Variants in FUS observed in about 807,000 individuals in gnomAD.
FUS encodes RNA-binding protein FUS.
Under a neutral mutation model 82.7 loss-of-function variants are expected in FUS, and 5 were observed. That is an observed-to-expected ratio of 0.06 (90% confidence interval 0.03 to 0.13). The LOEUF is 0.13. FUS is among the 10% of genes least tolerant of loss of function. The probability of loss-of-function intolerance (pLI) is 1.00; values close to 1 mark genes in which losing one functional copy is unlikely to be tolerated. For missense variants in FUS, 512 were observed against 707.8 expected, an observed-to-expected ratio of 0.72 and a Z score of 3.14; for synonymous variants, 281 against 247.4, an observed-to-expected ratio of 1.14 and a Z score of -1.27.
chr16:31,191,594 AT>A lies in FUS; in HGVS notation c.*160del. 1 of 841,546 alleles carries A rather than the reference AT, an allele frequency of 1.2e-6. No individual in the cohort carries two copies. Among genetic ancestry groups the A allele is most frequent in the Non-Finnish European group, 2.0e-6 (1 of 502,562 alleles). The allele number at this position is 841,546 out of a possible 1,614,324, so 52.1% of individuals were successfully genotyped here. ...CCTCTGGTTCCCATTAAAAGTGACC[AT>A]TTTAGTTAAATTTTGTTCCTCTTCC... On this transcript the variant is annotated 3_prime_UTR_variant, in exon 15 of 15. Transcript: ENST00000254108.
chr16:31,190,398 C>T lies in FUS; in HGVS notation c.1292C>T (p.Pro431Leu), dbSNP rs186547381. 1.3e-4 allele frequency: 204 copies of T among 1,614,116 alleles called. No homozygotes were observed. Among genetic ancestry groups the T allele is most frequent in the Admixed American group, 6.3e-4 (38 of 60,008 alleles). Residue 431 changes from proline to leucine, a missense_variant and splice_region_variant, in exon 12 of 15, where the codon CCC becomes CTC. By Grantham distance (98) the Pro-to-Leu change is moderately conservative (BLOSUM62 -3). Coordinates refer to ENST00000254108, the MANE Select transcript of FUS (RefSeq NM_004960.4). ...QRAGDWKCPNPTCENMNFSWR... is the reference protein window; with the variant it reads ...QRAGDWKCPNLTCENMNFSWR... ...GCTGGTGACTGGAAGTGTCCTAATC[C>T]GTGAGTGAAACTTAATTTTTTTCTT...
In FUS at chr16:31,180,143, A is replaced by G. The variant is rs556096702; in HGVS notation, c.-72A>G. On this transcript the variant is annotated 5_prime_UTR_variant, in exon 1 of 15. Transcript: ENST00000254108. ...TTCGACGCAGGAGGCGGGGCTGCTC[A>G]GTCCTCCAGGCGTCGGTACTCAGCG... 3 of 1,582,080 alleles carry G rather than the reference A, an allele frequency of 1.9e-6. No individual in the cohort carries two copies. The highest frequency in any genetic ancestry group is 2.3e-5 in the East Asian group (1 of 43,502).
Position 31,184,360 on chromosome 16 carries a change from A to G in FUS, c.487A>G (p.Ser163Gly). 6.2e-7 allele frequency: 1 copy of G among 1,614,020 alleles called. No homozygotes were observed. Among genetic ancestry groups the G allele is most frequent in the Non-Finnish European group, 8.5e-7 (1 of 1,179,988 alleles). Residue 163 changes from serine to glycine, a missense_variant, in exon 5 of 15, where the codon AGC becomes GGC. Physicochemically the swap from Ser to Gly is moderately conservative, Grantham distance 56 (BLOSUM62 0). Coordinates refer to ENST00000254108, the MANE Select transcript of FUS (RefSeq NM_004960.4). Reference sequence around the variant, plus strand: ...CTATGGACAGCAGAACCAGTACAACAGCAGCAGTGGTGGTGGAGGTGGAGG... The same window carrying G: ...CTATGGACAGCAGAACCAGTACAACGGCAGCAGTGGTGGTGGAGGTGGAGG... ...QGYGQQNQYN[S>G]SSGGGGGGGG...
chr16:31,180,679 T>A (rs773802759), intron 1 of FUS, among the ~76,000 whole-genome samples: 11 of 152,126 alleles, frequency 7.2e-5, no homozygotes, highest in Non-Finnish European at 1.3e-4. Context: ...TTGGTTCAGC[T>A]TTCTGTCGCG....
chr16:31,182,009 AT>A (rs879506137), intron 1 of FUS, among the ~76,000 whole-genome samples: 29 of 146,494 alleles, frequency 2.0e-4, no homozygotes, highest in African/African-American at 2.0e-4. Context: ...TCCTATTTTT[AT>A]TTTTTTTTTT....
At chr16:31,193,373 T>C (rs1258155644), downstream of FUS, 1 of 525,832 alleles carries the variant, frequency 1.9e-6, no homozygotes, top group Admixed American at 2.2e-5. Context: ...ATGTGGCAGT[T>C]CTCTCCGTCC....
At position 31,182,491 on chromosome 16, in the gene FUS, C is replaced by T. The variant is rs754009475; in HGVS notation, c.39-22C>T. ...GTGGTCACGCCATGTTTTCTGATCA[C>T]GCTGGTTTTCCTTTTATTTAGCTAT... On this transcript the variant is annotated intron_variant, in intron 2 of 14. Transcript: ENST00000254108. 4.0e-5 allele frequency: 65 copies of T among 1,614,056 alleles called. No individual in the cohort carries two copies. The East Asian group carries it at 1.4e-3, about 34-fold the overall frequency.
At position 31,185,420 on chromosome 16, in the gene FUS, C is replaced by CA. The variant is rs200021058; in HGVS notation, c.764+250dup. On this transcript the variant is annotated intron_variant, in intron 6 of 14. Transcript: ENST00000254108. ...GATTTTGAGTAATGATACTTGTTTC[C>CA]AAAAAAAAAGAAACCATACATAGAT... is the stretch of plus-strand genomic sequence containing the variant. 1.7e-3 allele frequency: 1,071 copies of CA among 614,610 alleles called. 1 individual carries two copies. The highest frequency in any genetic ancestry group is 2.3e-3 in the Admixed American group (89 of 38,416). 38.1% of individuals were successfully genotyped at this position (614,610 alleles called of 1,614,324 possible).
downstream of FUS, chr16:31,191,644 C>A: frequency 1.4e-6 from 1 of 707,792 alleles, no homozygotes; most frequent in Non-Finnish European, 2.6e-6. Flanking sequence ...CCTGGAAGAT[C>A]GATGTCCCGA....
chr16:31,183,741 C>G (rs1333978239), intron 3 of FUS, 117 bp from the exon 4 acceptor site: 1 of 1,293,382 alleles, frequency 7.7e-7, no homozygotes. Context: ...TGCAACATCA[C>G]TAACAGCTTC....
At position 31,190,969 on chromosome 16, in the gene FUS, A is replaced by G. The variant is rs1284908495; in HGVS notation, c.1400A>G (p.Asn467Ser). 6.2e-7 allele frequency: 1 copy of G among 1,612,382 alleles called. No homozygotes were observed. Among genetic ancestry groups the G allele is most frequent in the Admixed American group, 1.7e-5 (1 of 59,872 alleles). Residue 467 changes from asparagine to serine, a missense_variant, in exon 14 of 15, where the codon AAC becomes AGC. Physicochemically the swap from Asn to Ser is conservative, Grantham distance 46. Coordinates refer to ENST00000254108, the MANE Select transcript of FUS (RefSeq NM_004960.4). ...CTTGTTTCTTTTGTCCTAGGGGGTA[A>G]CTACGGGGATGATCGTCGTGGTGGC... ...GGPGGSHMGGNYGDDRRGGRG... is the reference protein window; with the variant it reads ...GGPGGSHMGGSYGDDRRGGRG...
intron 7 of FUS, chr16:31,187,680 A>G (rs2079290400): frequency 4.3e-6 from 1 of 233,566 alleles, no homozygotes; most frequent in Non-Finnish European, 8.4e-6. Context: ...TGGCGAATTC[A>G]GATAAACATT....
intron 1 of FUS, chr16:31,182,082 C>G: frequency 2.6e-6 from 1 of 390,808 alleles, no homozygotes; most frequent in Non-Finnish European, 4.9e-6. Context: ...CCTCTGCCTC[C>G]CGGGTTCAAG....
chr16:31,187,977 C>CG, intron 7 of FUS: 1 of 365,248 alleles, frequency 2.7e-6, no homozygotes, highest in Middle Eastern at 7.7e-4. Context: ...GTGAGAGAAC[C>CG]GGGCCAAGCT....
intron 6 of FUS, 94 bp downstream of exon 6, chr16:31,185,273 ATTC>A (rs1417443463): frequency 5.0e-6 from 7 of 1,391,908 alleles, no homozygotes; most frequent in Non-Finnish European, 6.8e-6. Flanking sequence ...ATGGTTTAGT[ATTC>A]TTGTTGTCTA....
At chr16:31,188,194 A>T in intron 7 of FUS, 131 bp from the exon 8 acceptor site, 1 of 945,700 alleles carries the variant, frequency 1.1e-6, no homozygotes, top group Non-Finnish European at 1.6e-6. Context: ...GGCTGTGAGC[A>T]CTTACTTGAT....
downstream of FUS, chr16:31,194,539 C>T (rs1179316429): frequency 2.0e-6 from 1 of 499,912 alleles, no homozygotes; most frequent in Non-Finnish European, 3.9e-6. Context: ...GCTCTGGGCT[C>T]AAGTGATTGT....
In FUS at chr16:31,184,197, TG is replaced by T. The variant is rs2079224561; in HGVS notation, c.336-11del. The T allele has an allele frequency of 6.2e-7, 1 of 1,614,060 alleles. No individual in the cohort carries two copies. The highest frequency in any genetic ancestry group is 1.3e-5 in the African/African-American group (1 of 74,932). On this transcript the variant is annotated splice_polypyrimidine_tract_variant and intron_variant, in intron 4 of 14. Coordinates refer to ENST00000254108, the MANE Select transcript of FUS (RefSeq NM_004960.4). ...TGGGATTGTGATTGTGTTTTTTGTTTGTTTTCCCTAGTTACGGTAGCAGTTC... is the reference window on the plus strand; with the variant it reads ...TGGGATTGTGATTGTGTTTTTTGTTTTTTTCCCTAGTTACGGTAGCAGTTC...
downstream of FUS, chr16:31,193,766 GGGACTAC>G (rs1185107113): frequency 2.3e-5 from 12 of 530,720 alleles, no homozygotes; most frequent in Middle Eastern, 5.2e-4. Context: ...CCAAGTAGCT[GGGACTAC>G]AGGTGCTTCC....
Sources: gnomAD v4.1 joint callset for allele counts (sites outside exome capture counted in the v4.1 genomes callset) on GRCh38, gnomAD v4.1.1 for gene constraint, MANE v1.5 for transcripts, NCBI Gene and HGNC (gene_info 2026-07-23, HGNC 2026-07-21) for gene names.